Variants in TTC6 observed in about 807,000 individuals in gnomAD.
TTC6 encodes the protein tetratricopeptide repeat domain 6.
TTC6 carries 172 observed loss-of-function variants against 210.4 expected under a neutral mutation model. That is an observed-to-expected ratio of 0.82 (90% CI 0.72 to 0.93). The LOEUF (loss-of-function observed/expected upper bound fraction) is 0.93. Ranked by LOEUF, TTC6 falls within the 40% of genes least tolerant of loss-of-function variation. The probability of loss-of-function intolerance (pLI) is 0.00; values close to 1 mark genes in which losing one functional copy is unlikely to be tolerated. For synonymous variants in TTC6, 804 were observed against 819.6 expected (o/e 0.98, Z 0.32); for missense variants, 2,414 against 2,318.1 (o/e 1.04, Z -0.85).
At chr14:37,835,432 T>G (rs528452127) in intron 29 of TTC6, among the ~76,000 whole-genome samples, 2 of 152,144 alleles carry the variant, frequency 1.3e-5, no homozygotes, top group East Asian at 3.9e-4. Context: ...TCAGGGATAA[T>G]TAGGATCAAA....
chr14:37,650,268 C>T (rs987329607), intron 1 of TTC6, among the ~76,000 whole-genome samples: 1 of 152,218 alleles, frequency 6.6e-6, no homozygotes, highest in African/African-American at 2.4e-5. Context: ...CAAGATCTCA[C>T]TGGGTGAGTG....
chr14:37,697,911 A>G (rs2095817780), intron 4 of TTC6, among the ~76,000 whole-genome samples: 1 of 152,132 alleles, frequency 6.6e-6, no homozygotes, highest in South Asian at 2.1e-4. Flanking sequence ...ACACAGAGTC[A>G]GAGTCTTTTC....
At chr14:37,794,402 A>G (rs2096087431) in intron 17 of TTC6, among the ~76,000 whole-genome samples, 2 of 152,240 alleles carry the variant, frequency 1.3e-5, no homozygotes, top group African/African-American at 4.8e-5. Context: ...GCTTCTTTGC[A>G]TCATTGTGCC....
At chr14:37,618,901 T>A (rs2095646868), upstream of TTC6, among the ~76,000 whole-genome samples, 2 of 152,136 alleles carry the variant, frequency 1.3e-5, no homozygotes, top group Non-Finnish European at 2.9e-5. Context: ...AAAAGGGAAG[T>A]GCAAGTGGGA....
intron 9 of TTC6, among the ~76,000 whole-genome samples, chr14:37,738,373 A>G (rs2095907810): frequency 6.6e-6 from 1 of 151,518 alleles, no homozygotes; most frequent in African/African-American, 2.4e-5. Flanking sequence ...AGAAAACCCA[A>G]ATTGATTTTT....
At chr14:37,825,136 C>T (rs188560608) in intron 27 of TTC6, among the ~76,000 whole-genome samples, 23 of 152,252 alleles carry the variant, frequency 1.5e-4, no homozygotes, top group African/African-American at 5.3e-4. Context: ...CAAATACTTA[C>T]AGATTCCCTT....
intron 7 of TTC6, among the ~76,000 whole-genome samples, chr14:37,730,142 G>A (rs35834125): frequency 0.55 from 84,210 of 151,978 alleles, 24,086 homozygotes; most frequent in African/African-American, 0.7. Context: ...CCTGGTTGTG[G>A]TGAATGGGAA....
upstream of TTC6, among the ~76,000 whole-genome samples, chr14:37,621,575 C>T (rs2095651163): frequency 6.6e-6 from 1 of 152,142 alleles, no homozygotes; most frequent in Non-Finnish European, 1.5e-5. Flanking sequence ...TGCCACTGTA[C>T]TCCAGTCACA....
chr14:37,684,414 T>C (rs1167395331), intron 3 of TTC6, among the ~76,000 whole-genome samples: 2 of 152,176 alleles, frequency 1.3e-5, no homozygotes, highest in Non-Finnish European at 2.9e-5. Context: ...GGTCTTATCC[T>C]GTGGTTGGTG....
At chr14:37,778,961 G>A (rs987733110) in intron 14 of TTC6, among the ~76,000 whole-genome samples, 7 of 152,168 alleles carry the variant, frequency 4.6e-5, no homozygotes, top group Non-Finnish European at 1.0e-4. Context: ...CCCTGACTGT[G>A]CTTCATTGCA....
At chr14:37,791,741 A>G (rs2139337118) in intron 16 of TTC6, among the ~76,000 whole-genome samples, 1 of 152,308 alleles carries the variant, frequency 6.6e-6, no homozygotes, top group South Asian at 2.1e-4. Context: ...GAGGCATCAA[A>G]CATGATAATT....
At chr14:37,806,263 A>C (rs2096118355) in intron 21 of TTC6, 98 bp from the exon 24 acceptor site, 1 of 1,260,258 alleles carries the variant, frequency 7.9e-7, no homozygotes, top group African/African-American at 1.5e-5. Context: ...AATAGAGTGA[A>C]ACTTTTCAAC....
intron 29 of TTC6, among the ~76,000 whole-genome samples, chr14:37,827,626 CTTA>C (rs1233134305): frequency 2.0e-5 from 3 of 151,832 alleles, no homozygotes; most frequent in Non-Finnish European, 2.9e-5. Context: ...TTGCTAGAAT[CTTA>C]TTGAGACATA....
chr14:37,724,900 G>A, exon 7 of TTC6: 1 of 1,510,964 alleles, frequency 6.6e-7, no homozygotes, highest in Non-Finnish European at 8.9e-7. Context: ...TTTCAAAGAT[G>A]TATGCTTATC....
intron 1 of TTC6, among the ~76,000 whole-genome samples, chr14:37,599,549 C>T (rs1017944615): frequency 4.6e-5 from 7 of 152,200 alleles, no homozygotes; most frequent in African/African-American, 1.7e-4. Flanking sequence ...TGCCTGAGCG[C>T]CGCCGGGTTT....
chr14:37,613,475 A>C (rs1168726044), intron 2 of TTC6, among the ~76,000 whole-genome samples: 2 of 152,074 alleles, frequency 1.3e-5, no homozygotes, highest in East Asian at 1.9e-4. Context: ...TGCCTTTGTC[A>C]GGTTTAGTAT....
intron 1 of TTC6, among the ~76,000 whole-genome samples, chr14:37,673,701 A>C (rs1316414863): frequency 1.3e-5 from 2 of 152,096 alleles, no homozygotes; most frequent in African/African-American, 4.8e-5. Context: ...ACTAAACAGC[A>C]CCCTTTAAGC....
intron 10 of TTC6, among the ~76,000 whole-genome samples, chr14:37,741,998 C>T (rs11845095): frequency 6.6e-6 from 1 of 151,960 alleles, no homozygotes; most frequent in Non-Finnish European, 1.5e-5. Context: ...CCCACAGTGA[C>T]CTCTTCCTAT....
At chr14:37,737,132 G>C (rs1264536459) in intron 8 of TTC6, among the ~76,000 whole-genome samples, 1 of 152,048 alleles carries the variant, frequency 6.6e-6, no homozygotes, top group East Asian at 1.9e-4. Context: ...TTTGTACTTT[G>C]CACTCTAGTT....
Sources: allele counts gnomAD v4.1 joint callset (sites outside exome capture counted in the v4.1 genomes callset), GRCh38; gene constraint gnomAD v4.1.1; transcripts MANE v1.5; gene names NCBI Gene and HGNC (gene_info 2026-07-23, HGNC 2026-07-21).